Variants in FGD5 observed in about 807,000 individuals in gnomAD.
FGD5 encodes the protein FYVE, RhoGEF and PH domain containing 5.
In FGD5, 28 loss-of-function variants were observed where a neutral mutation model predicts 133.4. That is an observed-to-expected ratio of 0.21 (90% CI 0.16 to 0.29). FGD5 has a LOEUF of 0.29. Among genes scored for constraint, FGD5 ranks in the 10% least tolerant of loss-of-function variants. FGD5 has a pLI of 1.00. For synonymous variants in FGD5, 810 were observed against 776.5 expected, an observed-to-expected ratio of 1.04 and a Z score of -0.72; for missense variants, 1,858 against 1,895.2, an observed-to-expected ratio of 0.98 and a Z score of 0.36.
At chr3:14,836,879 A>G (rs2036826677) in intron 1 of FGD5, among the ~76,000 whole-genome samples, 2 of 152,238 alleles carry the variant, frequency 1.3e-5, no homozygotes, top group African/African-American at 2.4e-5. Context: ...CAGGGTTAAC[A>G]TGGACATTTG....
intron 4 of FGD5, among the ~76,000 whole-genome samples, chr3:14,890,403 A>G (rs758982568): frequency 6.6e-6 from 1 of 152,114 alleles, no homozygotes; most frequent in African/African-American, 2.4e-5. Context: ...CCATGCTCCC[A>G]CTGTTTCCTC....
At chr3:14,929,591 C>G (rs538848790) in intron 18 of FGD5, among the ~76,000 whole-genome samples, 1 of 152,158 alleles carries the variant, frequency 6.6e-6, no homozygotes, top group Non-Finnish European at 1.5e-5. Flanking sequence ...TTAGATTTCC[C>G]TAGTAACTAC....
intron 9 of FGD5, among the ~76,000 whole-genome samples, chr3:14,903,545 T>C (rs2038283927): frequency 1.6e-5 from 2 of 126,542 alleles, no homozygotes; most frequent in Non-Finnish European, 3.1e-5. Context: ...GATGTTCCCC[T>C]TCCTGTGTCC....
In FGD5 at chr3:14,876,007, G is replaced by C. The variant is rs563661490; in HGVS notation, c.2659-4565G>C. ...AAGAAAGAGGTGGCTGTTAACATCA[G>C]GCTGCGCCATCTTAAAGGCCGAGCA... is the stretch of plus-strand genomic sequence containing the variant. On this transcript the variant is annotated intron_variant, in intron 2 of 19. Transcript: ENST00000285046. 1.3e-4 allele frequency among the ~76,000 whole-genome samples: 20 copies of C among 152,274 alleles called. No homozygotes were observed. The South Asian group carries it at 4.1e-3, about 32-fold the overall frequency.
rs994579613 is a variant in FGD5 at position 14,884,686 on chromosome 3, A to G, written c.2748+3914A>G. On this transcript the variant is annotated intron_variant, in intron 4 of 19. Coordinates refer to ENST00000285046, the MANE Select transcript of FGD5 (RefSeq NM_152536.4). ...GGTGGTGGGAGTTGGTCTCTGTTCC[A>G]TGATGTCTGGGGCCTCAGCTGGAAG... Among the ~76,000 whole-genome samples, 16 of 152,318 alleles carry G rather than the reference A, an allele frequency of 1.1e-4. No homozygotes were observed. The East Asian group carries it at 3.1e-3, about 29-fold the overall frequency.
intron 1 of FGD5, among the ~76,000 whole-genome samples, chr3:14,862,563 G>A (rs1188869629): frequency 2.6e-5 from 4 of 152,172 alleles, no homozygotes; most frequent in South Asian, 4.1e-4. Flanking sequence ...CAAGCCTGGC[G>A]GGGTGTTATT....
chr3:14,929,180 C>G (rs1373217318), intron 18 of FGD5, among the ~76,000 whole-genome samples: 1 of 152,192 alleles, frequency 6.6e-6, no homozygotes, highest in Non-Finnish European at 1.5e-5. Context: ...CAGTAGTTCA[C>G]TTCTTTTTAA....
At position 14,923,073 on chromosome 3, in the gene FGD5, A is replaced by C; in HGVS notation, c.3835A>C (p.Lys1279Gln). 1 of 1,613,918 alleles carries C rather than the reference A, an allele frequency of 6.2e-7. No homozygotes were observed. Among genetic ancestry groups the C allele is most frequent in the Non-Finnish European group, 8.5e-7 (1 of 1,179,882 alleles). Residue 1279 changes from lysine to glutamine, a missense_variant, in exon 16 of 20, where the codon AAG (lysine) becomes CAG (glutamine). This residue lies in a region of FGD5 where 1,824 missense variants were observed against 1,848.9 expected (regional missense o/e 0.99). Coordinates refer to ENST00000285046, the MANE Select transcript of FGD5 (RefSeq NM_152536.4). ...KIVCRNCSRN[K>Q]YPLKYLKDRM... ...CGTGTGCCGGAACTGTTCGCGGAAC[A>C]AGTACCCGCTGAAGTACCTGAAGGA... is the stretch of plus-strand genomic sequence containing the variant.
In FGD5 at chr3:14,820,084, T is replaced by C. The variant is rs2036452949; in HGVS notation, c.1013T>C (p.Phe338Ser). The change falls in exon 1 of 20, where the codon TTC becomes TCC. Residue 338 changes from phenylalanine (F) to serine (S), a missense_variant. By Grantham distance (155) the Phe-to-Ser change is radical (BLOSUM62 -2). Coordinates refer to ENST00000285046, the MANE Select transcript of FGD5 (RefSeq NM_152536.4). ...VPFENDCMED[F>S]VTSLTGSPYE... is the part of the protein sequence containing the mutation. ...TTTGAGAATGACTGCATGGAGGACT[T>C]CGTGACTTCCCTCACAGGAAGCCCC... 6.2e-7 allele frequency: 1 copy of C among 1,613,938 alleles called. No individual in the cohort carries two copies. Among genetic ancestry groups the C allele is most frequent in the African/African-American group, 1.3e-5 (1 of 74,938 alleles).
At chr3:14,884,252 A>G (rs536433184) in intron 4 of FGD5, among the ~76,000 whole-genome samples, 19 of 152,268 alleles carry the variant, frequency 1.2e-4, no homozygotes, top group South Asian at 6.2e-4. Flanking sequence ...GTTCCTACCA[A>G]TCCCTCCTTT....
chr3:14,888,002 CA>C (rs5846851), intron 4 of FGD5, among the ~76,000 whole-genome samples: 85 of 148,490 alleles, frequency 5.7e-4, no homozygotes, highest in African/African-American at 2.1e-3. Context: ...CCCATCACTA[CA>C]AAAAAAAAAA....
At chr3:14,856,988 A>G (rs2037292970) in intron 1 of FGD5, among the ~76,000 whole-genome samples, 1 of 152,176 alleles carries the variant, frequency 6.6e-6, no homozygotes, top group Non-Finnish European at 1.5e-5. Flanking sequence ...ATAAAAGCTA[A>G]CAGTAAGATG....
At chr3:14,892,347 G>T (rs947829588) in intron 4 of FGD5, among the ~76,000 whole-genome samples, 2 of 151,960 alleles carry the variant, frequency 1.3e-5, no homozygotes, top group African/African-American at 4.8e-5. Context: ...AACTATAGGC[G>T]TGCACCACCA....
chr3:14,919,618 A>G (rs2038635515), intron 13 of FGD5, among the ~76,000 whole-genome samples: 1 of 151,132 alleles, frequency 6.6e-6, no homozygotes, highest in South Asian at 2.1e-4. Context: ...ACTCCGTCTC[A>G]AAACAAAAAC....
At chr3:14,846,528 A>G (rs1212441863) in intron 1 of FGD5, among the ~76,000 whole-genome samples, 1 of 152,210 alleles carries the variant, frequency 6.6e-6, no homozygotes, top group Non-Finnish European at 1.5e-5. Flanking sequence ...GCTCATAAAT[A>G]CTTCCAGACA....
intron 2 of FGD5, among the ~76,000 whole-genome samples, chr3:14,871,232 C>T (rs750681105): frequency 6.6e-6 from 1 of 152,160 alleles, no homozygotes; most frequent in African/African-American, 2.4e-5. Context: ...CCCTGGCAGT[C>T]GTTCCAGGAG....
At position 14,855,636 on chromosome 3, in the gene FGD5, G is replaced by T. The variant is rs1460011623; in HGVS notation, c.2526-8492G>T. Among the ~76,000 whole-genome samples the T allele has an allele frequency of 4.0e-5, 6 of 150,346 alleles. No individual in the cohort carries two copies. In the East Asian group the frequency reaches 8.0e-4, roughly 20 times the overall value. ...ATGTGGACATTTTAAAAATATACTT[G>T]TTGGCCATTTGTATGTTTTTTTTTT... On this transcript the variant is annotated intron_variant, in intron 1 of 19. Coordinates refer to ENST00000285046, the MANE Select transcript of FGD5 (RefSeq NM_152536.4).
intron 2 of FGD5, among the ~76,000 whole-genome samples, chr3:14,868,203 G>A (rs1201046457): frequency 6.6e-6 from 1 of 152,066 alleles, no homozygotes; most frequent in Non-Finnish European, 1.5e-5. Context: ...TGAGTCTAAT[G>A]GGGCCTTTTC....
At chr3:14,838,781 CAG>C (rs1365762651) in intron 1 of FGD5, among the ~76,000 whole-genome samples, 1 of 152,178 alleles carries the variant, frequency 6.6e-6, no homozygotes, top group African/African-American at 2.4e-5. Context: ...CCAGTCCAAA[CAG>C]GGAGAAAATG....
Sources: gnomAD v4.1 joint callset for allele counts (sites outside exome capture counted in the v4.1 genomes callset) on GRCh38, gnomAD v4.1.1 for gene constraint, gnomAD v4.1.1 regional missense constraint, MANE v1.5 for transcripts, NCBI Gene and HGNC (gene_info 2026-07-23, HGNC 2026-07-21) for gene names.